Variants in RIT2 observed in about 807,000 individuals in gnomAD.
The protein encoded by RIT2 is GTP-binding protein Rit2.
In RIT2, 24 loss-of-function variants were observed where a neutral mutation model predicts 23.7. That is an observed-to-expected ratio of 1.01 (90% CI 0.73 to 1.43). RIT2 has a LOEUF of 1.43. RIT2 is among the 40% of genes most tolerant of loss of function. The probability of loss-of-function intolerance (pLI) is 0.00; values close to 1 mark genes in which losing one functional copy is unlikely to be tolerated. For missense variants in RIT2, 236 were observed against 266.9 expected, an observed-to-expected ratio of 0.88 and a Z score of 0.81; for synonymous variants, 107 against 91.1, an observed-to-expected ratio of 1.17 and a Z score of -0.99.
intron 4 of RIT2, among the ~76,000 whole-genome samples, chr18:42,817,497 G>T (rs1362641811): frequency 6.6e-6 from 1 of 152,082 alleles, no homozygotes; most frequent in Non-Finnish European, 1.5e-5. Context: ...CATAATTATG[G>T]TATGTACTAA....
At chr18:42,933,875 G>A (rs1245865169) in intron 3 of RIT2, among the ~76,000 whole-genome samples, 1 of 151,640 alleles carries the variant, frequency 6.6e-6, no homozygotes, top group Non-Finnish European at 1.5e-5. Flanking sequence ...ACAATTAGCT[G>A]GGCGTGGTGA....
At chr18:42,925,924 C>T (rs1909169417) in intron 3 of RIT2, among the ~76,000 whole-genome samples, 1 of 151,586 alleles carries the variant, frequency 6.6e-6, no homozygotes, top group Non-Finnish European at 1.5e-5. Context: ...ATAGAGACAT[C>T]ATAATTCTTT....
chr18:42,844,638 CT>C (rs956302466), intron 4 of RIT2, among the ~76,000 whole-genome samples: 23 of 150,220 alleles, frequency 1.5e-4, no homozygotes, highest in African/African-American at 4.9e-4. Context: ...AGTCTGGGGT[CT>C]TTATAGGCAC....
At chr18:42,885,525 G>T (rs550074694) in intron 4 of RIT2, among the ~76,000 whole-genome samples, 4 of 152,292 alleles carry the variant, frequency 2.6e-5, no homozygotes, top group African/African-American at 7.2e-5. Flanking sequence ...GGCAGAGCTT[G>T]CAGTGAGCCG....
intron 1 of RIT2, among the ~76,000 whole-genome samples, chr18:43,105,595 T>C (rs1471969376): frequency 1.3e-5 from 2 of 151,756 alleles, no homozygotes; most frequent in African/African-American, 4.8e-5. Context: ...CAATGTCATC[T>C]ACCCAGCAAT....
At chr18:42,970,064 T>C (rs1363047577) in intron 3 of RIT2, among the ~76,000 whole-genome samples, 1 of 152,068 alleles carries the variant, frequency 6.6e-6, no homozygotes, top group Non-Finnish European at 1.5e-5. Flanking sequence ...AAGAAAGAGC[T>C]TGAGTAAAAT....
intron 4 of RIT2, among the ~76,000 whole-genome samples, chr18:42,791,864 A>G (rs954127137): frequency 1.3e-5 from 2 of 152,184 alleles, no homozygotes; most frequent in East Asian, 3.9e-4. Context: ...CTCCAGCATG[A>G]CCAGTCAGAG....
At chr18:42,745,606 T>G (rs915913350) in intron 4 of RIT2, among the ~76,000 whole-genome samples, 2 of 152,000 alleles carry the variant, frequency 1.3e-5, no homozygotes, top group South Asian at 4.2e-4. Flanking sequence ...AACATGCCAA[T>G]TTTTTTTAGC....
chr18:42,841,063 A>G (rs1248393725), intron 4 of RIT2, among the ~76,000 whole-genome samples: 1 of 152,136 alleles, frequency 6.6e-6, no homozygotes, highest in Non-Finnish European at 1.5e-5. Flanking sequence ...ATTGGTACCT[A>G]AGGATACTAA....
chr18:42,889,173 T>G (rs944627070), intron 4 of RIT2, among the ~76,000 whole-genome samples: 12 of 152,056 alleles, frequency 7.9e-5, no homozygotes, highest in Admixed American at 2.0e-4. Context: ...TAAGTTAACA[T>G]ATACTGTTTT....
chr18:42,846,294 C>T (rs990910001), intron 4 of RIT2, among the ~76,000 whole-genome samples: 12 of 151,662 alleles, frequency 7.9e-5, no homozygotes, highest in Admixed American at 1.3e-4. Context: ...AAAAATAATA[C>T]ATAAAAGCCA....
intron 4 of RIT2, among the ~76,000 whole-genome samples, chr18:42,823,476 AAG>A (rs1328606125): frequency 6.6e-6 from 1 of 152,170 alleles, no homozygotes; most frequent in Non-Finnish European, 1.5e-5. Flanking sequence ...TGTGAAAGCA[AAG>A]ATTAGGTGAT....
intron 4 of RIT2, among the ~76,000 whole-genome samples, chr18:42,855,920 G>A (rs182770357): frequency 6.6e-6 from 1 of 151,844 alleles, no homozygotes. Context: ...TTTTTAAGAG[G>A]CACTATGTCT....
Position 42,804,561 on chromosome 18 carries a change from T to TAA in RIT2, c.427-60843_427-60842dup, listed in dbSNP as rs564202513. 6.7e-3 allele frequency among the ~76,000 whole-genome samples: 355 copies of TAA among 52,848 alleles called. 4 individuals are homozygous for TAA. The highest frequency in any genetic ancestry group is 0.018 in the East Asian group (43 of 2,416). 34.7% of individuals were successfully genotyped at this position (52,848 alleles called of 152,430 possible). On this transcript the variant is annotated intron_variant, in intron 4 of 4. Transcript: ENST00000326695. ...CAAGAGTGAAACTGTGCCTCAAAAC[T>TAA]AAAAAAAAAAAAAAAAAAAAAAAAA...
chr18:43,046,820 G>T (rs141605567), intron 1 of RIT2, among the ~76,000 whole-genome samples: 2,848 of 152,176 alleles, frequency 0.019, 37 homozygotes, highest in Middle Eastern at 0.027. Context: ...AAATGCAATT[G>T]TCTTTTAAGC....
At chr18:42,949,809 T>C (rs1909807586) in intron 3 of RIT2, among the ~76,000 whole-genome samples, 1 of 151,934 alleles carries the variant, frequency 6.6e-6, no homozygotes, top group Admixed American at 6.6e-5. Flanking sequence ...TAAAAAAAAA[T>C]AAAAGTCTCA....
chr18:42,907,952 G>A (rs546451567), intron 4 of RIT2, among the ~76,000 whole-genome samples: 11 of 151,448 alleles, frequency 7.3e-5, no homozygotes, highest in South Asian at 2.1e-4. Context: ...GCACTCCAGC[G>A]TGGGTGACAG....
chr18:42,963,641 G>A (rs1417309935), intron 3 of RIT2, among the ~76,000 whole-genome samples: 3 of 152,178 alleles, frequency 2.0e-5, no homozygotes, highest in Non-Finnish European at 2.9e-5. Context: ...ATCTGTAATC[G>A]CTGCACTTTG....
intron 3 of RIT2, among the ~76,000 whole-genome samples, chr18:42,971,768 C>A (rs533834249): frequency 1.3e-5 from 2 of 152,074 alleles, no homozygotes; most frequent in East Asian, 3.9e-4. Context: ...GGGTTATCTG[C>A]AGCATTCCCT....
Sources: allele counts gnomAD v4.1 joint callset (sites outside exome capture counted in the v4.1 genomes callset), GRCh38; gene constraint gnomAD v4.1.1; transcripts MANE v1.5; gene names NCBI Gene and HGNC (gene_info 2026-07-23, HGNC 2026-07-21).